The following BICD1 variants were observed in gnomAD, a reference collection of about 807,000 sequenced individuals.
BICD1 encodes the protein protein bicaudal D homolog 1.
In BICD1, 35 loss-of-function variants were observed where a neutral mutation model predicts 92.5. The observed-to-expected ratio is 0.38, with a 90% CI of 0.29 to 0.50. The LOEUF (loss-of-function observed/expected upper bound fraction) is 0.50, where lower values mean the gene tolerates loss of function less well. Ranked by LOEUF, BICD1 falls within the 20% of genes least tolerant of loss-of-function variation. BICD1 has a pLI of 0.93. For missense variants in BICD1, 950 were observed against 1,189.8 expected (o/e 0.80, Z 2.97); for synonymous variants, 429 against 465.1 (o/e 0.92, Z 1.00).
intron 1 of BICD1, among the ~76,000 whole-genome samples, chr12:32,142,091 T>C (rs1163824754): frequency 6.6e-6 from 1 of 152,136 alleles, no homozygotes; most frequent in Non-Finnish European, 1.5e-5. Flanking sequence ...ACTGAAACTC[T>C]ATTGAAGTAT....
intron 1 of BICD1, among the ~76,000 whole-genome samples, chr12:32,189,175 G>T (rs1251783050): frequency 6.6e-6 from 1 of 152,162 alleles, no homozygotes; most frequent in African/African-American, 2.4e-5. Flanking sequence ...GCAGCTTATT[G>T]AGGACATGCA....
At chr12:32,303,467 C>T (rs10844175) in intron 3 of BICD1, among the ~76,000 whole-genome samples, 25,421 of 152,082 alleles carry the variant, frequency 0.17, 2,716 homozygotes, top group African/African-American at 0.29. Context: ...CAGTTTTTTC[C>T]TGGGCCCAGT....
At chr12:32,286,891 G>T (rs1413695203) in intron 2 of BICD1, among the ~76,000 whole-genome samples, 1 of 152,166 alleles carries the variant, frequency 6.6e-6, no homozygotes, top group East Asian at 1.9e-4. Flanking sequence ...TGTATAAAAA[G>T]TAAGTAGCCA....
intron 2 of BICD1, among the ~76,000 whole-genome samples, chr12:32,252,219 G>GTA (rs1463734841): frequency 3.3e-5 from 4 of 120,574 alleles, no homozygotes; most frequent in Non-Finnish European, 6.7e-5. Flanking sequence ...TATATATCTT[G>GTA]TATATATTAT....
intron 9 of BICD1, among the ~76,000 whole-genome samples, chr12:32,370,578 C>A (rs1939702333): frequency 6.6e-6 from 1 of 152,074 alleles, no homozygotes; most frequent in Admixed American, 6.6e-5. Context: ...TTGATTATAC[C>A]TGAGAGAGTG....
At chr12:32,122,301 A>C (rs1942183772) in intron 1 of BICD1, among the ~76,000 whole-genome samples, 1 of 152,022 alleles carries the variant, frequency 6.6e-6, no homozygotes. Context: ...ATCCTGACTA[A>C]CATGGTGAAA....
chr12:32,171,611 G>A (rs1943940546), intron 1 of BICD1, among the ~76,000 whole-genome samples: 1 of 152,082 alleles, frequency 6.6e-6, no homozygotes, highest in African/African-American at 2.4e-5. Flanking sequence ...GCTTTTCTTT[G>A]TTGGTGGTTT....
At chr12:32,128,830 G>C (rs1233647568) in intron 1 of BICD1, among the ~76,000 whole-genome samples, 1 of 152,062 alleles carries the variant, frequency 6.6e-6, no homozygotes, top group Non-Finnish European at 1.5e-5. Context: ...TAGAATGCAA[G>C]GGCACGATCT....
intron 2 of BICD1, among the ~76,000 whole-genome samples, chr12:32,286,893 AAGT>A (rs1266147889): frequency 1.3e-5 from 2 of 152,238 alleles, no homozygotes; most frequent in Non-Finnish European, 2.9e-5. Context: ...TATAAAAAGT[AAGT>A]AGCCAGTTTC....
chr12:32,160,135 C>T (rs987687889), intron 1 of BICD1, among the ~76,000 whole-genome samples: 1 of 152,148 alleles, frequency 6.6e-6, no homozygotes, highest in African/African-American at 2.4e-5. Flanking sequence ...TAGTATTCAG[C>T]AAATGGTAGC....
At chr12:32,296,293 C>G (rs1457743647) in intron 3 of BICD1, among the ~76,000 whole-genome samples, 1 of 135,854 alleles carries the variant, frequency 7.4e-6, no homozygotes. Context: ...GAGTCTCGCT[C>G]CGTCACCAGG....
chr12:32,346,019 T>C (rs370847087), intron 8 of BICD1, among the ~76,000 whole-genome samples: 10 of 152,038 alleles, frequency 6.6e-5, no homozygotes, highest in African/African-American at 2.4e-4. Flanking sequence ...CATAGTGGCA[T>C]GCGCCTGTAC....
chr12:32,257,211 CAA>C (rs35294412), intron 2 of BICD1, among the ~76,000 whole-genome samples: 1,316 of 78,138 alleles, frequency 0.017, 5 homozygotes, highest in African/African-American at 0.061. Flanking sequence ...GACTCTGTCT[CAA>C]AAAAAAAAAA....
chr12:32,333,646 C>T (rs1937977453), intron 5 of BICD1, among the ~76,000 whole-genome samples: 1 of 152,140 alleles, frequency 6.6e-6, no homozygotes, highest in Non-Finnish European at 1.5e-5. Flanking sequence ...TTGTAAAAAT[C>T]ATGTGTTCCC....
intron 2 of BICD1, among the ~76,000 whole-genome samples, chr12:32,291,354 T>A (rs1464267763): frequency 6.6e-6 from 1 of 151,460 alleles, no homozygotes; most frequent in Non-Finnish European, 1.5e-5. Context: ...TTAGGCAACA[T>A]GGCGAGACCC....
At chr12:32,225,623 T>TTTTTTTTG (rs1555150870) in intron 2 of BICD1, among the ~76,000 whole-genome samples, 1 of 57,622 alleles carries the variant, frequency 1.7e-5, no homozygotes, top group African/African-American at 8.1e-5. Flanking sequence ...TTTTTTCTGT[T>TTTTTTTTG]TTTTTTTTTT....
chr12:32,289,519 A>G (rs556024334), intron 2 of BICD1, among the ~76,000 whole-genome samples: 180 of 152,250 alleles, frequency 1.2e-3, no homozygotes, highest in African/African-American at 4.0e-3. Flanking sequence ...CCAAGTAGCT[A>G]GGACTACAGG....
chr12:32,347,778 C>A (rs1938686128), intron 8 of BICD1, among the ~76,000 whole-genome samples: 1 of 151,846 alleles, frequency 6.6e-6, no homozygotes, highest in Non-Finnish European at 1.5e-5. Flanking sequence ...ATTCTTAAAA[C>A]AGTATAATGA....
chr12:32,327,479 A>G lies in BICD1; in HGVS notation c.1024A>G (p.Ile342Val), dbSNP rs377071191. 5 of 1,601,024 alleles carry G rather than the reference A, an allele frequency of 3.1e-6. No individual in the cohort carries two copies. The highest frequency in any genetic ancestry group is 4.3e-6 in the Non-Finnish European group (5 of 1,171,870). ...ATTGCAGGTAGAGCGGGAAAAGGCC[A>G]TTCTTTTGGCCAACCTACAGGAGTC... ...QLMQVEREKA[I>V]LLANLQESQT... is the part of the protein sequence containing the mutation. Residue 342 changes from isoleucine (I) to valine (V), a missense_variant, in exon 5 of 10, where the codon ATT (isoleucine) becomes GTT (valine). Ile to Val is a conservative substitution (Grantham distance 29, BLOSUM62 3). Around this residue, in one of 5 missense-constraint regions of BICD1, gnomAD observed 246 missense variants for 258.4 expected, o/e 0.95. Coordinates refer to ENST00000652176, the MANE Select transcript of BICD1 (RefSeq NM_001714.4).
Sources: gnomAD v4.1 joint callset for allele counts (sites outside exome capture counted in the v4.1 genomes callset) on GRCh38, gnomAD v4.1.1 for gene constraint, gnomAD v4.1.1 regional missense constraint, MANE v1.5 for transcripts, NCBI Gene and HGNC (gene_info 2026-07-23, HGNC 2026-07-21) for gene names.